Variants in LARGE1 observed in about 807,000 individuals in gnomAD.
The protein encoded by LARGE1 is xylosyl- and glucuronyltransferase LARGE1.
In LARGE1, 43 loss-of-function variants were observed where a neutral mutation model predicts 87.6. The ratio of observed to expected loss-of-function variants is 0.49; its 90% confidence interval spans 0.38 to 0.63. The LOEUF (loss-of-function observed/expected upper bound fraction) is 0.63. LARGE1 is among the 30% of genes least tolerant of loss of function. The pLI, the probability that LARGE1 is intolerant of heterozygous loss-of-function variation, is 0.00. For synonymous variants in LARGE1, 434 were observed against 394.6 expected (o/e 1.10, Z -1.18); for missense variants, 802 against 1,000.2 (o/e 0.80, Z 2.67).
At chr22:33,495,606 C>A (rs1047046569) in intron 6 of LARGE1, among the ~76,000 whole-genome samples, 4 of 152,110 alleles carry the variant, frequency 2.6e-5, no homozygotes, top group Non-Finnish European at 2.9e-5. Flanking sequence ...GTAATCCCAG[C>A]TACTCGGGAG....
intron 1 of LARGE1, among the ~76,000 whole-genome samples, chr22:33,857,974 G>A (rs1488277306): frequency 2.6e-5 from 4 of 152,138 alleles, no homozygotes; most frequent in Middle Eastern, 3.2e-3. Context: ...GCGGCCGGTC[G>A]CTTCCAAGAT....
intron 1 of LARGE1, among the ~76,000 whole-genome samples, chr22:33,916,430 C>T (rs774948275): frequency 1.8e-4 from 28 of 152,186 alleles, no homozygotes; most frequent in Non-Finnish European, 3.7e-4. Flanking sequence ...ATTTGTTAAA[C>T]GAAAAGATGA....
intron 2 of LARGE1, among the ~76,000 whole-genome samples, chr22:33,741,555 A>G (rs145568379): frequency 6.6e-6 from 1 of 152,364 alleles, no homozygotes; most frequent in Non-Finnish European, 1.5e-5. Flanking sequence ...CCAAGTGCAG[A>G]AATGCGGAGC....
chr22:33,810,496 C>T (rs985053453), intron 1 of LARGE1, among the ~76,000 whole-genome samples: 2 of 152,212 alleles, frequency 1.3e-5, no homozygotes, highest in African/African-American at 4.8e-5. Flanking sequence ...CAAGGTAGAA[C>T]TTCTCTGCCC....
chr22:33,890,530 T>A (rs1009772242), intron 1 of LARGE1, among the ~76,000 whole-genome samples: 1 of 152,172 alleles, frequency 6.6e-6, no homozygotes, highest in Non-Finnish European at 1.5e-5. Flanking sequence ...CTCAAAACTC[T>A]GCAACAGAAC....
intron 11 of LARGE1, among the ~76,000 whole-genome samples, chr22:33,210,362 T>A (rs1253225191): frequency 3.3e-5 from 5 of 152,190 alleles, no homozygotes; most frequent in Non-Finnish European, 7.3e-5. Context: ...GTCTTAATGG[T>A]CCCATTCTCT....
At chr22:33,414,018 C>CT (rs1422696442) in intron 7 of LARGE1, among the ~76,000 whole-genome samples, 2 of 152,152 alleles carry the variant, frequency 1.3e-5, no homozygotes, top group East Asian at 3.9e-4. Context: ...ACAGATACTG[C>CT]TTTGAGACTC....
chr22:33,308,418 C>T (rs1935186652), intron 11 of LARGE1, among the ~76,000 whole-genome samples: 1 of 152,172 alleles, frequency 6.6e-6, no homozygotes, highest in Non-Finnish European at 1.5e-5. Flanking sequence ...TGTCAGTATT[C>T]CTGGGCAAGT....
chr22:33,416,450 T>C (rs1482215539), intron 7 of LARGE1, among the ~76,000 whole-genome samples: 1 of 152,132 alleles, frequency 6.6e-6, no homozygotes, highest in Non-Finnish European at 1.5e-5. Context: ...CTCGGAATTG[T>C]GTACAGACTC....
chr22:33,912,787 A>G (rs77349954), intron 1 of LARGE1, among the ~76,000 whole-genome samples: 2 of 151,522 alleles, frequency 1.3e-5, no homozygotes, highest in South Asian at 4.2e-4. Flanking sequence ...AAAAAAAAAA[A>G]AGCCCTAGAT....
chr22:33,163,603 G>A (rs2146118576), exon 12 of LARGE1: 1 of 152,278 alleles, frequency 6.6e-6, no homozygotes, highest in Non-Finnish European at 1.5e-5. Flanking sequence ...ACAGCTCATT[G>A]CCCCTTTACA....
chr22:33,102,635 G>A, the LARGE1 span, among the ~76,000 whole-genome samples: 2 of 152,176 alleles, frequency 1.3e-5, no homozygotes, highest in Non-Finnish European at 2.9e-5. Context: ...GATCACAGGT[G>A]CCTGCCACCT....
At chr22:33,777,837 C>T (rs2145868416) in intron 1 of LARGE1, among the ~76,000 whole-genome samples, 1 of 152,294 alleles carries the variant, frequency 6.6e-6, no homozygotes, top group Admixed American at 6.5e-5. Flanking sequence ...TTCTGGGATG[C>T]CCTGCTGGGG....
intron 6 of LARGE1, among the ~76,000 whole-genome samples, chr22:33,457,558 C>A (rs1459736365): frequency 6.6e-6 from 1 of 151,848 alleles, no homozygotes; most frequent in African/African-American, 2.4e-5. Flanking sequence ...TGACCTCAAA[C>A]ACACTACAAA....
Position 33,440,298 on chromosome 22 carries a change from C to T in LARGE1, c.788-8033G>A, listed in dbSNP as rs73882228. Among the ~76,000 whole-genome samples, 981 of 152,236 alleles carry T rather than the reference C, an allele frequency of 6.4e-3. 10 individuals are homozygous for T. The highest frequency in any genetic ancestry group is 0.022 in the African/African-American group (921 of 41,536). The stretch of plus-strand genomic sequence containing the variant: ...TATCTGAATGGAGTGGAAGTAGATG[C>T]GTACTAGTTAACTTCTCCAGGTAAA... On this transcript the variant is annotated intron_variant, in intron 6 of 14. Coordinates refer to ENST00000397394, the MANE Select transcript of LARGE1 (RefSeq NM_133642.5).
At chr22:33,607,001 A>G (rs2079283591) in intron 4 of LARGE1, among the ~76,000 whole-genome samples, 1 of 152,160 alleles carries the variant, frequency 6.6e-6, no homozygotes, top group Non-Finnish European at 1.5e-5. Flanking sequence ...CAAGGATCAC[A>G]TCAGATACAT....
chr22:33,416,342 C>G (rs1209423957), intron 7 of LARGE1, among the ~76,000 whole-genome samples: 1 of 152,176 alleles, frequency 6.6e-6, no homozygotes, highest in South Asian at 2.1e-4. Context: ...CTCTGTTGAA[C>G]AGCAAGCTCT....
At chr22:33,566,707 T>C (rs967307616) in intron 5 of LARGE1, among the ~76,000 whole-genome samples, 1 of 152,128 alleles carries the variant, frequency 6.6e-6, no homozygotes, top group African/African-American at 2.4e-5. Flanking sequence ...CACATCCTGC[T>C]GATTGGTCCA....
At chr22:33,756,217 C>T (rs766760304) in intron 2 of LARGE1, among the ~76,000 whole-genome samples, 6 of 152,000 alleles carry the variant, frequency 3.9e-5, no homozygotes, top group African/African-American at 9.7e-5. Flanking sequence ...TACTCAAAGT[C>T]GGAGGAGGGC....
Sources: allele counts gnomAD v4.1 joint callset (sites outside exome capture counted in the v4.1 genomes callset), GRCh38; gene constraint gnomAD v4.1.1; transcripts MANE v1.5; gene names NCBI Gene and HGNC (gene_info 2026-07-23, HGNC 2026-07-21).